The following RERE variants were observed in gnomAD, a reference collection of about 807,000 sequenced individuals.
The protein encoded by RERE is arginine-glutamic acid dipeptide repeats protein.
A neutral mutation model predicts 146.1 loss-of-function variants in RERE; 40 were observed. The observed-to-expected ratio is 0.27, with a 90% CI of 0.21 to 0.36. RERE has a LOEUF of 0.36. RERE is among the 10% of genes least tolerant of loss of function. RERE has a pLI of 1.00. For synonymous variants in RERE, 1,003 were observed against 866.0 expected, an observed-to-expected ratio of 1.16 and a Z score of -2.78; for missense variants, 1,933 against 2,138.7, an observed-to-expected ratio of 0.90 and a Z score of 1.90.
chr1:8,611,453 G>A (rs113432509), intron 4 of RERE, among the ~76,000 whole-genome samples: 3 of 152,100 alleles, frequency 2.0e-5, no homozygotes, highest in South Asian at 2.1e-4. Context: ...GCAGTGAGCC[G>A]AGATCATGCC....
chr1:8,365,898 C>T lies in RERE; in HGVS notation c.1361G>A (p.Arg454His), dbSNP rs1802010. 2 of 1,614,180 alleles carry T rather than the reference C, an allele frequency of 1.2e-6. No homozygotes were observed. The highest frequency in any genetic ancestry group is 1.7e-5 in the Admixed American group (1 of 60,024). Residue 454 changes from arginine (R) to histidine (H), a missense_variant, in exon 13 of 23, where the codon CGC becomes CAC. Physicochemically the swap from Arg to His is conservative, Grantham distance 29. This residue lies in a region of RERE where 260 missense variants were observed against 378.4 expected (regional missense o/e 0.69). Transcript: ENST00000400908. ...AATCCTCCTGAACACGGCCTGCCTG[C>T]GGTGCCTACGATGGGCTCGGGAGCT... ...AASSRAHRRH[R>H]RQAVFRRIKT...
At chr1:8,802,207 C>G (rs1399774204) in intron 1 of RERE, among the ~76,000 whole-genome samples, 2 of 152,190 alleles carry the variant, frequency 1.3e-5, no homozygotes, top group Non-Finnish European at 2.9e-5. Context: ...CTCTATGGTT[C>G]TGGCCAAACC....
At chr1:8,367,767 G>A (rs1641871873) in intron 12 of RERE, among the ~76,000 whole-genome samples, 1 of 152,180 alleles carries the variant, frequency 6.6e-6, no homozygotes, top group Non-Finnish European at 1.5e-5. Context: ...AACTGTCCCA[G>A]CGGGCATGAG....
Position 8,423,981 on chromosome 1 carries a change from T to G in RERE, c.1204-1174A>C, listed in dbSNP as rs1476952342. On this transcript the variant is annotated intron_variant, in intron 11 of 22. Coordinates refer to ENST00000400908, the MANE Select transcript of RERE (RefSeq NM_001042681.2). The surrounding 1 kb of genome is among the most constrained non-coding windows in gnomAD (Gnocchi z 5.4). Reference sequence around the variant, plus strand: ...TGTCCTCCTTCCGGACAGGAGAACATCAAGGCGGTAAAGCACAGAAACTTC... The same window carrying G: ...TGTCCTCCTTCCGGACAGGAGAACAGCAAGGCGGTAAAGCACAGAAACTTC... 1 of 147,948 alleles carries G rather than the reference T, an allele frequency of 6.8e-6. No individual in the cohort carries two copies. Among genetic ancestry groups the G allele is most frequent in the Non-Finnish European group, 1.5e-5 (1 of 67,092 alleles). The allele number at this position is 147,948 out of a possible 1,614,324, so 9.2% of individuals were successfully genotyped here.
In RERE at chr1:8,656,060, G is replaced by A. The variant is rs1341348689; in HGVS notation, c.238C>T (p.Pro80Ser). 7 of 1,613,624 alleles carry A rather than the reference G, an allele frequency of 4.3e-6. No homozygotes were observed. In the South Asian group the frequency reaches 7.7e-5, roughly 18 times the overall value. ...CTTTCATAACGAGACTTTTTTTTCG[G>A]TGGTTTCTTCTTATTCTTCTTCGTG... The part of the protein sequence containing the change: ...ESTKKNKKKP[P>S]KKKSRYERTD... The change falls in exon 2 of 23, where the codon CCG (proline) becomes TCG (serine). Residue 80 changes from proline to serine, a missense_variant. Coordinates refer to ENST00000400908, the MANE Select transcript of RERE (RefSeq NM_001042681.2).
intron 10 of RERE, among the ~76,000 whole-genome samples, chr1:8,483,874 G>A (rs1644866039): frequency 6.6e-6 from 1 of 152,140 alleles, no homozygotes; most frequent in South Asian, 2.1e-4. Context: ...GTATCTCAGG[G>A]AATAAAACTG....
At chr1:8,646,699 T>C (rs930378294) in intron 2 of RERE, among the ~76,000 whole-genome samples, 3 of 151,786 alleles carry the variant, frequency 2.0e-5, no homozygotes, top group African/African-American at 4.8e-5. Flanking sequence ...AAAGGAAAAA[T>C]GTAGATAGAC....
intron 1 of RERE, among the ~76,000 whole-genome samples, chr1:8,808,648 G>T (rs1485001121): frequency 2.0e-5 from 3 of 152,174 alleles, no homozygotes; most frequent in African/African-American, 4.8e-5. Flanking sequence ...GTGGGCTGCA[G>T]ATTGAGTCTA....
chr1:8,649,624 C>A (rs902857046), intron 2 of RERE, among the ~76,000 whole-genome samples: 2 of 150,516 alleles, frequency 1.3e-5, no homozygotes, highest in East Asian at 2.0e-4. Context: ...CAGCTACTCT[C>A]GAAGATGAGG....
intron 12 of RERE, among the ~76,000 whole-genome samples, chr1:8,401,652 C>T (rs1030470198): frequency 1.6e-4 from 24 of 151,674 alleles, no homozygotes; most frequent in African/African-American, 5.8e-4. Context: ...CCCAGCTACT[C>T]GGGAGGCTGA....
intron 1 of RERE, among the ~76,000 whole-genome samples, chr1:8,748,644 C>T (rs563233384): frequency 6.6e-6 from 1 of 152,292 alleles, no homozygotes; most frequent in East Asian, 1.9e-4. Context: ...ACTTACCAAG[C>T]AATTTTTGGC....
intron 12 of RERE, among the ~76,000 whole-genome samples, chr1:8,377,840 A>G (rs762267436): frequency 3.3e-5 from 5 of 152,184 alleles, no homozygotes; most frequent in South Asian, 2.1e-4. Flanking sequence ...ATCATCAGTT[A>G]TATCTGTGCA....
chr1:8,808,111 A>G (rs141293237), intron 1 of RERE, among the ~76,000 whole-genome samples: 243 of 144,744 alleles, frequency 1.7e-3, no homozygotes, highest in African/African-American at 6.1e-3. Context: ...GCACCACTGC[A>G]CTCTAGAACC....
chr1:8,518,875 C>T (rs957538052), intron 7 of RERE, among the ~76,000 whole-genome samples: 14 of 152,106 alleles, frequency 9.2e-5, no homozygotes, highest in African/African-American at 2.7e-4. Flanking sequence ...TTGTGCTGGC[C>T]GACTCTGGGC....
At chr1:8,355,343 T>C (rs1055713634) in intron 22 of RERE, 76 bp downstream of exon 22, 1 of 1,498,846 alleles carries the variant, frequency 6.7e-7, no homozygotes, top group African/African-American at 1.4e-5. Flanking sequence ...GGGAGGAGCC[T>C]GGCCCTGGGC....
intron 2 of RERE, among the ~76,000 whole-genome samples, chr1:8,632,938 A>T (rs1018478336): frequency 1.3e-5 from 2 of 152,228 alleles, no homozygotes; most frequent in African/African-American, 4.8e-5. Flanking sequence ...CAAGATTAAA[A>T]GACATTTTTA....
intron 19 of RERE, 133 bp from the exon 20 acceptor site, chr1:8,359,049 C>G (rs1009252234): frequency 1.7e-6 from 2 of 1,182,186 alleles, no homozygotes; most frequent in South Asian, 1.9e-5. Context: ...CACGGAGACC[C>G]GGCCCTGCCT....
intron 11 of RERE, among the ~76,000 whole-genome samples, chr1:8,452,562 G>C (rs1376543339): frequency 6.6e-6 from 1 of 151,850 alleles, no homozygotes; most frequent in East Asian, 1.9e-4. Flanking sequence ...AAAAAACTAA[G>C]CCAAATAAAA....
intron 1 of RERE, among the ~76,000 whole-genome samples, chr1:8,697,493 C>T (rs562414170): frequency 6.6e-6 from 1 of 151,234 alleles, no homozygotes; most frequent in African/African-American, 2.4e-5. Flanking sequence ...CCCAGGTTCA[C>T]GTCATTCTCC....
Sources: gnomAD v4.1 joint callset for allele counts (sites outside exome capture counted in the v4.1 genomes callset) on GRCh38, gnomAD v4.1.1 for gene constraint, gnomAD v4.1.1 regional missense constraint, Gnocchi (gnomAD v3.1) non-coding constraint, MANE v1.5 for transcripts, NCBI Gene and HGNC (gene_info 2026-07-23, HGNC 2026-07-21) for gene names.